Variants in C9orf85 observed in about 807,000 individuals in gnomAD.
C9orf85 encodes chromosome 9 open reading frame 85, also known as uncharacterized protein C9orf85.
In C9orf85, 16 loss-of-function variants were observed where a neutral mutation model predicts 14.9. That is an observed-to-expected ratio of 1.08 (90% confidence interval 0.73 to 1.63). The LOEUF (loss-of-function observed/expected upper bound fraction) is 1.63. Ranked by LOEUF, C9orf85 falls within the 40% of genes most tolerant of loss-of-function variation. The pLI, the probability that C9orf85 is intolerant of heterozygous loss-of-function variation, is 0.00. For synonymous variants in C9orf85, 45 were observed against 56.8 expected, an observed-to-expected ratio of 0.79 and a Z score of 0.93; for missense variants, 172 against 186.1, an observed-to-expected ratio of 0.92 and a Z score of 0.44.
intron 3 of C9orf85, among the ~76,000 whole-genome samples, chr9:71,979,835 TAGAA>T (rs1469214572): frequency 6.6e-6 from 1 of 152,132 alleles, no homozygotes; most frequent in African/African-American, 2.4e-5. Context: ...GAACTAAAAA[TAGAA>T]AGTGAATTAG....
intron 1 of C9orf85, among the ~76,000 whole-genome samples, chr9:71,923,465 T>C (rs1827861653): frequency 6.6e-6 from 1 of 152,110 alleles, no homozygotes; most frequent in South Asian, 2.1e-4. Context: ...ATGGGTTTTC[T>C]CCATGTTGGT....
At chr9:71,939,465 G>T (rs1006328877) in intron 1 of C9orf85, among the ~76,000 whole-genome samples, 10 of 152,054 alleles carry the variant, frequency 6.6e-5, no homozygotes, top group African/African-American at 2.4e-4. Flanking sequence ...AATGACTGGG[G>T]TTTATCTAAT....
At chr9:71,922,544 T>C (rs1285960430) in intron 1 of C9orf85, among the ~76,000 whole-genome samples, 1 of 152,174 alleles carries the variant, frequency 6.6e-6, no homozygotes, top group Non-Finnish European at 1.5e-5. Flanking sequence ...TGTAGAACCA[T>C]TTCTCCCATT....
intron 2 of C9orf85, among the ~76,000 whole-genome samples, chr9:71,965,913 G>A: frequency 6.6e-6 from 1 of 152,174 alleles, no homozygotes; most frequent in East Asian, 1.9e-4. Context: ...ACTAAAGATA[G>A]CTTGATAATG....
chr9:71,943,294 G>C (rs1258399988), intron 1 of C9orf85, among the ~76,000 whole-genome samples: 1 of 151,360 alleles, frequency 6.6e-6, no homozygotes, highest in Non-Finnish European at 1.5e-5. Context: ...GGAGTAAACA[G>C]GCCTTTGTTT....
At chr9:71,915,967 A>G (rs1038200074) in intron 1 of C9orf85, among the ~76,000 whole-genome samples, 1 of 152,218 alleles carries the variant, frequency 6.6e-6, no homozygotes, top group African/African-American at 2.4e-5. Context: ...TGTATTCCAC[A>G]TGTGTTATCT....
intron 3 of C9orf85, among the ~76,000 whole-genome samples, chr9:71,982,189 T>C (rs948921445): frequency 2.6e-5 from 4 of 152,128 alleles, no homozygotes; most frequent in Non-Finnish European, 5.9e-5. Context: ...TTACATGACA[T>C]TTTTGAGGTA....
chr9:71,971,705 G>A lies in C9orf85; in HGVS notation c.323+87G>A, dbSNP rs941997359. 4 of 885,376 alleles carry A rather than the reference G, an allele frequency of 4.5e-6. No homozygotes were observed. The African/African-American group carries it at 6.8e-5, about 15-fold the overall frequency. 54.8% of individuals were successfully genotyped at this position (885,376 alleles called of 1,614,324 possible). On this transcript the variant is annotated intron_variant, in intron 3 of 3. Transcript: ENST00000334731. ...AGAGATGATCCTTGCTAGGCGCAGT[G>A]GCTCACGCCTGTAATCCCAGTACTT...
downstream of C9orf85, chr9:71,983,354 A>G: frequency 6.6e-6 from 1 of 152,186 alleles, no homozygotes; most frequent in East Asian, 1.9e-4. Context: ...TGAAATGTCT[A>G]TTCAGATGTG....
At chr9:71,978,556 T>C (rs1292996239) in intron 3 of C9orf85, among the ~76,000 whole-genome samples, 1 of 152,200 alleles carries the variant, frequency 6.6e-6, no homozygotes, top group Non-Finnish European at 1.5e-5. Flanking sequence ...GGCCGCATTA[T>C]GCAAAGTTCA....
At chr9:71,963,968 A>T (rs1163938198) in intron 2 of C9orf85, among the ~76,000 whole-genome samples, 1 of 152,130 alleles carries the variant, frequency 6.6e-6, no homozygotes, top group Non-Finnish European at 1.5e-5. Flanking sequence ...GCAGCCCCGG[A>T]GTGGGATCCA....
chr9:71,962,649 G>GTAA (rs1822551045), intron 2 of C9orf85, among the ~76,000 whole-genome samples: 1 of 152,214 alleles, frequency 6.6e-6, no homozygotes, highest in African/African-American at 2.4e-5. Flanking sequence ...CTAGCAAGTA[G>GTAA]TAATCTATTT....
chr9:71,920,202 A>C (rs548975879), intron 1 of C9orf85, among the ~76,000 whole-genome samples: 1 of 152,162 alleles, frequency 6.6e-6, no homozygotes, highest in Non-Finnish European at 1.5e-5. Context: ...TTTTGTGTGC[A>C]TTAATCATAT....
intron 1 of C9orf85, among the ~76,000 whole-genome samples, chr9:71,929,348 A>G (rs1047493100): frequency 3.3e-5 from 5 of 152,196 alleles, no homozygotes; most frequent in Non-Finnish European, 5.9e-5. Flanking sequence ...CGGTTGGACA[A>G]GATCTCAAAT....
intron 1 of C9orf85, among the ~76,000 whole-genome samples, chr9:71,929,829 C>A: frequency 8.4e-6 from 1 of 119,432 alleles, no homozygotes; most frequent in Non-Finnish European, 1.9e-5. Flanking sequence ...TATAGGAACA[C>A]ATGTTCCACT....
intron 2 of C9orf85, among the ~76,000 whole-genome samples, chr9:71,954,436 ATT>A (rs1241735860): frequency 9.2e-5 from 14 of 152,184 alleles, no homozygotes. Context: ...AAGCAAGTTT[ATT>A]AAGAAAGTAG....
chr9:71,929,893 T>C (rs1828029354), intron 1 of C9orf85, among the ~76,000 whole-genome samples: 2 of 148,490 alleles, frequency 1.3e-5, no homozygotes, highest in Non-Finnish European at 3.0e-5. Context: ...GGATTCTGCC[T>C]CTGCTGCTTC....
At chr9:71,979,182 CAA>C (rs1275205513) in intron 3 of C9orf85, among the ~76,000 whole-genome samples, 1 of 152,142 alleles carries the variant, frequency 6.6e-6, no homozygotes, top group Non-Finnish European at 1.5e-5. Flanking sequence ...TTGACTTAAA[CAA>C]GAGTAGTAGA....
At chr9:71,942,809 A>T (rs898990552) in intron 1 of C9orf85, among the ~76,000 whole-genome samples, 1 of 151,736 alleles carries the variant, frequency 6.6e-6, no homozygotes, top group African/African-American at 2.4e-5. Context: ...AGCCTGAGGT[A>T]GGAGAATCAC....
Sources: allele counts gnomAD v4.1 joint callset (sites outside exome capture counted in the v4.1 genomes callset), GRCh38; gene constraint gnomAD v4.1.1; transcripts MANE v1.5; gene names NCBI Gene and HGNC (gene_info 2026-07-23, HGNC 2026-07-21).